NKAIN2: variants seen among roughly 807,000 people sequenced by gnomAD.
NKAIN2 encodes sodium/potassium transporting ATPase interacting 2.
In NKAIN2, 14 loss-of-function variants were observed where a neutral mutation model predicts 32.6. The observed-to-expected ratio is 0.43, with a 90% confidence interval of 0.28 to 0.67. The LOEUF is 0.67. Among genes scored for constraint, NKAIN2 ranks in the 30% least tolerant of loss-of-function variants. The probability of loss-of-function intolerance (pLI) is 0.17; values close to 1 mark genes in which losing one functional copy is unlikely to be tolerated. For missense variants in NKAIN2, 198 were observed against 258.3 expected (o/e 0.77, Z 1.60); for synonymous variants, 80 against 87.2 (o/e 0.92, Z 0.46).
intron 5 of NKAIN2, among the ~76,000 whole-genome samples, chr6:124,793,066 G>T (rs1156816076): frequency 2.0e-5 from 3 of 152,028 alleles, no homozygotes; most frequent in Non-Finnish European, 4.4e-5. Context: ...GAGATAATGT[G>T]AATCTGGACA....
Position 123,870,277 on chromosome 6 carries a change from G to T in NKAIN2, c.54+66023G>T, listed in dbSNP as rs558917717. Among the ~76,000 whole-genome samples the T allele has an allele frequency of 2.0e-5, 3 of 152,232 alleles. No individual in the cohort carries two copies. The South Asian group carries it at 6.2e-4, about 32-fold the overall frequency. ...GCCTGGGAGAAGGGAAAGCTGGTGT[G>T]TGTTGGGGGGAGTTGGGGAAGGAGG... On this transcript the variant is annotated intron_variant, in intron 1 of 6. Transcript: ENST00000368417.
chr6:124,255,811 C>T (rs1793902100), intron 1 of NKAIN2, among the ~76,000 whole-genome samples: 1 of 152,208 alleles, frequency 6.6e-6, no homozygotes, highest in Non-Finnish European at 1.5e-5. Context: ...TTAAAATATG[C>T]TCTCACTTGT....
At chr6:123,841,357 A>G (rs907465803) in intron 1 of NKAIN2, among the ~76,000 whole-genome samples, 8 of 152,202 alleles carry the variant, frequency 5.3e-5, no homozygotes, top group African/African-American at 1.9e-4. Flanking sequence ...CAGTGTTACA[A>G]TCGTGAGATG....
At chr6:124,146,025 G>A (rs1787380713) in intron 1 of NKAIN2, among the ~76,000 whole-genome samples, 1 of 152,114 alleles carries the variant, frequency 6.6e-6, no homozygotes, top group African/African-American at 2.4e-5. Flanking sequence ...CTGGGAATTT[G>A]AATAAGATTA....
chr6:124,565,435 T>C (rs185785095), intron 3 of NKAIN2, among the ~76,000 whole-genome samples: 2 of 152,328 alleles, frequency 1.3e-5, no homozygotes, highest in African/African-American at 4.8e-5. Context: ...ATGGTCTAAA[T>C]AGACATTTTA....
intron 3 of NKAIN2, among the ~76,000 whole-genome samples, chr6:124,561,442 G>C (rs1336589517): frequency 6.6e-6 from 1 of 152,136 alleles, no homozygotes; most frequent in African/African-American, 2.4e-5. Flanking sequence ...GGAATGGCAA[G>C]ATTGTAAATT....
At chr6:124,379,145 GGGA>G (rs1562141502) in intron 3 of NKAIN2, among the ~76,000 whole-genome samples, 10 of 35,406 alleles carry the variant, frequency 2.8e-4, no homozygotes, top group Admixed American at 3.3e-4. Flanking sequence ...GGGGAGGGGA[GGGA>G]GGGAGGGAGG....
intron 3 of NKAIN2, among the ~76,000 whole-genome samples, chr6:124,633,929 T>A (rs1175239856): frequency 6.6e-6 from 1 of 151,964 alleles, no homozygotes; most frequent in African/African-American, 2.4e-5. Flanking sequence ...AGCAAAGATA[T>A]GCCACAGCCT....
intron 1 of NKAIN2, among the ~76,000 whole-genome samples, chr6:124,088,874 T>C (rs1259358268): frequency 6.6e-6 from 1 of 152,106 alleles, no homozygotes; most frequent in Non-Finnish European, 1.5e-5. Context: ...AGTGCCTGAA[T>C]ACATTATTTG....
intron 3 of NKAIN2, among the ~76,000 whole-genome samples, chr6:124,364,250 A>AAAAAAAAAAAAGAGAG (rs3054409): frequency 1.4e-5 from 2 of 139,738 alleles, no homozygotes; most frequent in African/African-American, 5.3e-5. Flanking sequence ...AAAAAAAAAA[A>AAAAAAAAAAAAGAGAG]AGAGAGAAAA....
chr6:123,903,290 TTTG>T (rs772705578), intron 1 of NKAIN2, among the ~76,000 whole-genome samples: 7 of 152,132 alleles, frequency 4.6e-5, no homozygotes, highest in South Asian at 2.1e-4. Context: ...AAATTTGTTT[TTTG>T]TTGTTGTTGT....
intron 4 of NKAIN2, among the ~76,000 whole-genome samples, chr6:124,688,932 T>G (rs1342003459): frequency 6.6e-6 from 1 of 152,116 alleles, no homozygotes; most frequent in Admixed American, 6.6e-5. Context: ...AAAGCTGCTA[T>G]AAAGGTCTGT....
chr6:124,392,298 C>T (rs1206568720), intron 3 of NKAIN2, among the ~76,000 whole-genome samples: 1 of 152,034 alleles, frequency 6.6e-6, no homozygotes, highest in African/African-American at 2.4e-5. Context: ...ATATTCAGTA[C>T]CTAATACCAT....
intron 3 of NKAIN2, among the ~76,000 whole-genome samples, chr6:124,366,672 C>T (rs1384260828): frequency 2.6e-5 from 4 of 152,092 alleles, no homozygotes; most frequent in African/African-American, 7.2e-5. Flanking sequence ...CACGGTGGCT[C>T]ATGCCTATAA....
At chr6:124,336,699 G>T (rs2115067522) in intron 2 of NKAIN2, among the ~76,000 whole-genome samples, 2 of 148,620 alleles carry the variant, frequency 1.3e-5, no homozygotes, top group Admixed American at 6.7e-5. Context: ...TTTTGAGACG[G>T]AGTCTTGCTC....
chr6:124,329,696 T>G, intron 2 of NKAIN2, among the ~76,000 whole-genome samples: 1 of 152,204 alleles, frequency 6.6e-6, no homozygotes, highest in East Asian at 1.9e-4. Flanking sequence ...ACTTGCACAG[T>G]ATCATCTCCA....
intron 1 of NKAIN2, among the ~76,000 whole-genome samples, chr6:123,827,680 A>G (rs1774204547): frequency 1.3e-5 from 2 of 152,194 alleles, no homozygotes; most frequent in Non-Finnish European, 2.9e-5. Flanking sequence ...AAATGGTGCT[A>G]TGATTAACAT....
intron 3 of NKAIN2, among the ~76,000 whole-genome samples, chr6:124,496,597 C>T (rs1044933461): frequency 6.6e-6 from 1 of 152,122 alleles, no homozygotes; most frequent in South Asian, 2.1e-4. Flanking sequence ...GCATAGAAGG[C>T]ACCACAGTAT....
At chr6:124,778,095 C>A (rs546927124) in intron 4 of NKAIN2, among the ~76,000 whole-genome samples, 1 of 151,990 alleles carries the variant, frequency 6.6e-6, no homozygotes, top group Admixed American at 6.6e-5. Flanking sequence ...TCTGGGAGAA[C>A]AAGTGATAAT....
Sources: allele counts gnomAD v4.1 joint callset (sites outside exome capture counted in the v4.1 genomes callset), GRCh38; gene constraint gnomAD v4.1.1; transcripts MANE v1.5; gene names NCBI Gene and HGNC (gene_info 2026-07-23, HGNC 2026-07-21).